PPM1L: variants seen among roughly 807,000 people sequenced by gnomAD.
PPM1L encodes protein phosphatase, Mg2+/Mn2+ dependent 1L.
PPM1L carries 13 observed loss-of-function variants against 31.4 expected under a neutral mutation model. That is an observed-to-expected ratio of 0.41 (90% CI 0.27 to 0.66). The LOEUF (loss-of-function observed/expected upper bound fraction) is 0.66. PPM1L is among the 30% of genes least tolerant of loss of function. The probability of loss-of-function intolerance (pLI) is 0.29; values close to 1 mark genes in which losing one functional copy is unlikely to be tolerated. For missense variants in PPM1L, 326 were observed against 453.7 expected (o/e 0.72, Z 2.56); for synonymous variants, 184 against 175.4 (o/e 1.05, Z -0.39).
At chr3:160,900,161 G>A (rs1299172683) in intron 1 of PPM1L, among the ~76,000 whole-genome samples, 1 of 151,980 alleles carries the variant, frequency 6.6e-6, no homozygotes, top group Non-Finnish European at 1.5e-5. Context: ...AGCGAATTCA[G>A]TTTATATAAC....
intron 2 of PPM1L, among the ~76,000 whole-genome samples, chr3:160,967,318 A>C (rs1716184447): frequency 6.6e-6 from 1 of 151,968 alleles, no homozygotes; most frequent in African/African-American, 2.4e-5. Context: ...ATGAAAATGG[A>C]CTAATACACC....
At chr3:160,955,845 G>A (rs1004319389) in intron 1 of PPM1L, among the ~76,000 whole-genome samples, 19 of 151,526 alleles carry the variant, frequency 1.3e-4, no homozygotes, top group Non-Finnish European at 2.4e-4. Context: ...TAATAGAGAC[G>A]GGGTTTCACC....
At chr3:160,952,861 T>A (rs981146900) in intron 1 of PPM1L, among the ~76,000 whole-genome samples, 24 of 152,288 alleles carry the variant, frequency 1.6e-4, no homozygotes, top group Admixed American at 1.3e-3. Context: ...GGCAGTACCA[T>A]CAATTATTTG....
At position 160,962,027 on chromosome 3, in the gene PPM1L, A is replaced by G. The variant is rs982924869; in HGVS notation, c.574+117A>G. On this transcript the variant is annotated intron_variant, in intron 2 of 3. Transcript: ENST00000498165. ...CTAGATTCAAAGTTATGTAACATGG[A>G]CTAATAGTAAGTTTCTTCTCTGCAG... 4.7e-6 allele frequency: 3 copies of G among 641,892 alleles called. No individual in the cohort carries two copies. The Admixed American group carries it at 1.2e-4, about 25-fold the overall frequency. The allele number at this position is 641,892 out of a possible 1,614,324, so 39.8% of individuals were successfully genotyped here. A position where few individuals can be genotyped will look rare whatever the true frequency, so the allele number is the denominator to read the frequency against.
intron 2 of PPM1L, among the ~76,000 whole-genome samples, chr3:161,016,572 GC>G (rs1316555993): frequency 1.3e-5 from 2 of 152,170 alleles, no homozygotes; most frequent in Admixed American, 6.5e-5. Context: ...TTTCTAGTAG[GC>G]AGTTCTAAAT....
intron 2 of PPM1L, among the ~76,000 whole-genome samples, chr3:161,046,402 C>T (rs1273964059): frequency 4.6e-5 from 7 of 151,980 alleles, no homozygotes; most frequent in African/African-American, 2.4e-5. Context: ...GAAGTTGAAT[C>T]CCTGAATAGA....
intron 1 of PPM1L, among the ~76,000 whole-genome samples, chr3:160,824,740 T>C (rs1205647049): frequency 6.6e-6 from 1 of 152,186 alleles, no homozygotes; most frequent in Non-Finnish European, 1.5e-5. Context: ...TATGTATAGA[T>C]TTATGTTTTT....
At chr3:160,812,240 C>T (rs907033749) in intron 1 of PPM1L, among the ~76,000 whole-genome samples, 6 of 152,170 alleles carry the variant, frequency 3.9e-5, no homozygotes, top group Non-Finnish European at 8.8e-5. Flanking sequence ...TCCCACCTTC[C>T]TCTTTTCTTT....
chr3:160,869,718 ATGTGTGTG>A (rs10663764), intron 1 of PPM1L, among the ~76,000 whole-genome samples: 10 of 150,444 alleles, frequency 6.6e-5, no homozygotes, highest in African/African-American at 2.2e-4. Context: ...GGTGCAATGT[ATGTGTGTG>A]TGTGTGTGTG....
chr3:161,011,375 T>C (rs908347980), intron 2 of PPM1L, among the ~76,000 whole-genome samples: 1 of 152,228 alleles, frequency 6.6e-6, no homozygotes, highest in Admixed American at 6.5e-5. Flanking sequence ...CATTGGTCTA[T>C]ATCTCTCTTT....
intron 2 of PPM1L, among the ~76,000 whole-genome samples, chr3:160,970,054 C>T (rs1311136916): frequency 6.6e-6 from 1 of 152,046 alleles, no homozygotes. Flanking sequence ...ATATTTTATG[C>T]TGTTATAAAC....
intron 2 of PPM1L, among the ~76,000 whole-genome samples, chr3:160,999,226 G>C (rs73875441): frequency 1.5e-3 from 230 of 152,238 alleles, no homozygotes; most frequent in African/African-American, 5.3e-3. Context: ...TTTTATAGAT[G>C]AAGAGACTGA....
chr3:160,898,967 G>T (rs747797006), intron 1 of PPM1L, among the ~76,000 whole-genome samples: 11 of 152,120 alleles, frequency 7.2e-5, no homozygotes, highest in Non-Finnish European at 1.5e-4. Flanking sequence ...CAAATCCATG[G>T]CTTTCTGCTA....
intron 1 of PPM1L, among the ~76,000 whole-genome samples, chr3:160,838,598 C>CT (rs1375312662): frequency 3.3e-5 from 5 of 152,118 alleles, no homozygotes; most frequent in African/African-American, 1.2e-4. Flanking sequence ...ACTATGTAGA[C>CT]TATGTCTGAG....
At chr3:160,767,112 C>T (rs922623891) in intron 1 of PPM1L, among the ~76,000 whole-genome samples, 6 of 152,112 alleles carry the variant, frequency 3.9e-5, no homozygotes, top group Admixed American at 2.6e-4. Context: ...AAGCTAAAGG[C>T]GCCGTAGCAG....
At chr3:160,821,884 C>T (rs1378298927) in intron 1 of PPM1L, among the ~76,000 whole-genome samples, 1 of 151,864 alleles carries the variant, frequency 6.6e-6, no homozygotes, top group East Asian at 1.9e-4. Flanking sequence ...TTATTAATCA[C>T]TGAGTTCTTA....
chr3:161,056,958 G>A (rs1719430255), intron 2 of PPM1L, among the ~76,000 whole-genome samples: 1 of 152,126 alleles, frequency 6.6e-6, no homozygotes, highest in South Asian at 2.1e-4. Context: ...AGCTACTTGG[G>A]AGGCTGAGGC....
At chr3:161,012,052 A>G (rs1226674084) in intron 2 of PPM1L, among the ~76,000 whole-genome samples, 3 of 152,116 alleles carry the variant, frequency 2.0e-5, no homozygotes, top group Non-Finnish European at 4.4e-5. Flanking sequence ...TTCCAACACT[A>G]TGTTGAATAG....
intron 1 of PPM1L, among the ~76,000 whole-genome samples, chr3:160,905,515 A>G (rs752647188): frequency 2.0e-5 from 3 of 152,136 alleles, no homozygotes; most frequent in Non-Finnish European, 4.4e-5. Flanking sequence ...CTTATATTAG[A>G]TCAGTAAGTT....
Sources: allele counts gnomAD v4.1 joint callset (sites outside exome capture counted in the v4.1 genomes callset), GRCh38; gene constraint gnomAD v4.1.1; transcripts MANE v1.5; gene names NCBI Gene and HGNC (gene_info 2026-07-23, HGNC 2026-07-21).